The following CADPS variants were observed in gnomAD, a reference collection of about 807,000 sequenced individuals.
CADPS encodes calcium dependent secretion activator, also known as calcium-dependent secretion activator 1.
A neutral mutation model predicts 167.3 loss-of-function variants in CADPS; 57 were observed. The observed-to-expected ratio is 0.34, with a 90% confidence interval of 0.28 to 0.42. The LOEUF (loss-of-function observed/expected upper bound fraction) is 0.42. Among genes scored for constraint, CADPS ranks in the 20% least tolerant of loss-of-function variants. The pLI, the probability that CADPS is intolerant of heterozygous loss-of-function variation, is 1.00. For missense variants in CADPS, 1,414 were observed against 1,738.1 expected (o/e 0.81, Z 3.32); for synonymous variants, 676 against 635.3 (o/e 1.06, Z -0.96).
At chr3:62,789,156 T>C (rs1260131619) in intron 1 of CADPS, among the ~76,000 whole-genome samples, 1 of 152,214 alleles carries the variant, frequency 6.6e-6, no homozygotes, top group Non-Finnish European at 1.5e-5. Flanking sequence ...CACTGGTGTT[T>C]ATGAAGTTCT....
chr3:62,725,120 C>T (rs1011018852), intron 3 of CADPS, among the ~76,000 whole-genome samples: 1 of 152,178 alleles, frequency 6.6e-6, no homozygotes, highest in African/African-American at 2.4e-5. Flanking sequence ...ATCTTCTCCT[C>T]AAAACCCAAC....
Position 62,420,891 on chromosome 3 carries a change from CACACACACACAG to C in CADPS, c.3777+17201_3777+17212del, listed in dbSNP as rs1268725546. On this transcript the variant is annotated intron_variant, in intron 28 of 29. Coordinates refer to ENST00000383710, the MANE Select transcript of CADPS (RefSeq NM_003716.4). The surrounding 1 kb of genome is among the most constrained non-coding windows in gnomAD (Gnocchi z 4.1). The stretch of plus-strand genomic sequence containing the variant: ...ACACACACACACACACACACACACA[CACACACACACAG>C]GCACACACACACACACTTGCCAGAT... 1.5e-3 allele frequency among the ~76,000 whole-genome samples: 194 copies of C among 133,506 alleles called. 3 individuals carry two copies. Among genetic ancestry groups the C allele is most frequent in the African/African-American group, 5.7e-3 (183 of 32,068 alleles). The allele number at this position is 133,506 out of a possible 152,430, so 87.6% of individuals were successfully genotyped here.
chr3:62,785,133 T>A (rs1026464228), intron 1 of CADPS, among the ~76,000 whole-genome samples: 2 of 151,550 alleles, frequency 1.3e-5, no homozygotes, highest in Admixed American at 1.3e-4. Flanking sequence ...CATTAACAAG[T>A]TGGATGATGG....
At chr3:62,409,327 T>C (rs1438998528) in intron 28 of CADPS, among the ~76,000 whole-genome samples, 2 of 152,264 alleles carry the variant, frequency 1.3e-5, no homozygotes, top group Non-Finnish European at 2.9e-5. Flanking sequence ...AGCAAATTCA[T>C]TCAGCTTTGA....
intron 28 of CADPS, among the ~76,000 whole-genome samples, chr3:62,434,451 A>C (rs1435933557): frequency 6.6e-6 from 1 of 152,202 alleles, no homozygotes; most frequent in African/African-American, 2.4e-5. Flanking sequence ...ATTAATAAAC[A>C]AAGGAATCTT....
At chr3:62,794,129 A>G (rs2093191089) in intron 1 of CADPS, among the ~76,000 whole-genome samples, 1 of 152,218 alleles carries the variant, frequency 6.6e-6, no homozygotes, top group Admixed American at 6.5e-5. Context: ...ATGATGAGTA[A>G]CAGCTTGGGC....
At chr3:62,557,588 T>G in intron 9 of CADPS, 75 bp from the exon 10 acceptor site, 2 of 1,123,342 alleles carry the variant, frequency 1.8e-6, no homozygotes, top group Non-Finnish European at 2.7e-6. Context: ...CCATGTTCTC[T>G]CCTCTGAGGA....
At chr3:62,666,524 G>T (rs955607120) in intron 3 of CADPS, among the ~76,000 whole-genome samples, 2 of 152,158 alleles carry the variant, frequency 1.3e-5, no homozygotes, top group Non-Finnish European at 2.9e-5. Context: ...AGCCTTTCAC[G>T]TTGGCAGATC....
chr3:62,726,397 A>G (rs1286372102), intron 3 of CADPS, among the ~76,000 whole-genome samples: 1 of 151,840 alleles, frequency 6.6e-6, no homozygotes, highest in Non-Finnish European at 1.5e-5. Context: ...TTGTAATAAA[A>G]CTTTGGTTCC....
intron 28 of CADPS, among the ~76,000 whole-genome samples, chr3:62,418,483 C>G (rs1044060611): frequency 7.0e-6 from 1 of 141,890 alleles, no homozygotes; most frequent in African/African-American, 2.7e-5. Context: ...CAACACCATG[C>G]CCTATTTTTT....
chr3:62,485,072 T>C (rs567476450), intron 21 of CADPS, among the ~76,000 whole-genome samples: 2 of 152,254 alleles, frequency 1.3e-5, no homozygotes, highest in African/African-American at 4.8e-5. Flanking sequence ...CATGAAAATT[T>C]AATACAACAG....
At chr3:62,418,721 C>T (rs552822693) in intron 28 of CADPS, among the ~76,000 whole-genome samples, 1 of 151,896 alleles carries the variant, frequency 6.6e-6, no homozygotes, top group Non-Finnish European at 1.5e-5. Context: ...ACCTTCAAAA[C>T]CCTCCCACCT....
intron 17 of CADPS, among the ~76,000 whole-genome samples, chr3:62,501,784 T>A (rs1021106249): frequency 6.6e-6 from 1 of 152,178 alleles, no homozygotes; most frequent in Non-Finnish European, 1.5e-5. Flanking sequence ...AAATCCAAGA[T>A]GTTGAAGCTA....
chr3:62,531,767 G>A (rs942532874), intron 13 of CADPS, among the ~76,000 whole-genome samples: 10 of 152,178 alleles, frequency 6.6e-5, no homozygotes, highest in African/African-American at 2.4e-4. Context: ...TTATACTAAT[G>A]CAAGGCTACA....
chr3:62,814,471 C>T (rs1296638532), intron 1 of CADPS: 1 of 152,084 alleles, frequency 6.6e-6, no homozygotes, highest in East Asian at 1.9e-4. Flanking sequence ...GACATAAATT[C>T]GTGAAGCGGT....
chr3:62,875,001 T>C lies in CADPS; in HGVS notation c.29A>G (p.Glu10Gly), dbSNP rs1346483473. 2 of 1,596,378 alleles carry C rather than the reference T, an allele frequency of 1.3e-6. No individual in the cohort carries two copies. Among genetic ancestry groups the C allele is most frequent in the Non-Finnish European group, 1.7e-6 (2 of 1,171,592 alleles). The change falls in exon 1 of 30, where the codon GAA (glutamate) becomes GGA (glycine). Residue 10 changes from glutamate to glycine, a missense_variant. Glu to Gly is a moderately conservative substitution (Grantham distance 98, BLOSUM62 -2). Coordinates refer to ENST00000383710, the MANE Select transcript of CADPS (RefSeq NM_003716.4). MLDPSSSEE[E>G]SDEIVEEESG... ...CTCCTCCTCCACGATCTCATCCGAT[T>C]CTTCTTCGCTGGACGAAGGGTCCAG...
At chr3:62,645,887 CT>C in intron 5 of CADPS, 44 bp from the exon 6 acceptor site, 1 of 1,609,130 alleles carries the variant, frequency 6.2e-7, no homozygotes, top group African/African-American at 1.3e-5. Flanking sequence ...GGCAAGGCCC[CT>C]GGCAGCATCG....
intron 3 of CADPS, among the ~76,000 whole-genome samples, chr3:62,694,757 C>T (rs1203337940): frequency 2.6e-5 from 4 of 152,018 alleles, no homozygotes; most frequent in African/African-American, 4.8e-5. Context: ...CTTACCCATA[C>T]CCCAGTATCT....
At chr3:62,866,377 T>C (rs907880885) in intron 1 of CADPS, among the ~76,000 whole-genome samples, 1 of 152,086 alleles carries the variant, frequency 6.6e-6, no homozygotes, top group Non-Finnish European at 1.5e-5. Context: ...AAAGCATCAG[T>C]GTGAAGTCTC....
Sources: gnomAD v4.1 joint callset for allele counts (sites outside exome capture counted in the v4.1 genomes callset) on GRCh38, gnomAD v4.1.1 for gene constraint, Gnocchi (gnomAD v3.1) non-coding constraint, MANE v1.5 for transcripts, NCBI Gene and HGNC (gene_info 2026-07-23, HGNC 2026-07-21) for gene names.